Variants in ETFDH observed in about 807,000 individuals in gnomAD.
The protein encoded by ETFDH is electron transfer flavoprotein dehydrogenase, also known as electron transfer flavoprotein-ubiquinone oxidoreductase, mitochondrial.
Under a neutral mutation model 73.2 loss-of-function variants are expected in ETFDH, and 61 were observed. The observed-to-expected ratio is 0.83, with a 90% CI of 0.68 to 1.03. The LOEUF is 1.03. ETFDH is among the 50% of genes least tolerant of loss of function. The pLI is 0.00. For synonymous variants in ETFDH, 243 were observed against 253.3 expected, an observed-to-expected ratio of 0.96 and a Z score of 0.39; for missense variants, 685 against 745.0, an observed-to-expected ratio of 0.92 and a Z score of 0.94.
At chr4:158,678,379 A>G (rs1773763249) in intron 1 of ETFDH, among the ~76,000 whole-genome samples, 1 of 152,284 alleles carries the variant, frequency 6.6e-6, no homozygotes, top group Non-Finnish European at 1.5e-5. Context: ...ATTTCTCATG[A>G]TTAGACTGAG....
At chr4:158,676,244 A>G (rs1773708231) in intron 1 of ETFDH, among the ~76,000 whole-genome samples, 1 of 152,052 alleles carries the variant, frequency 6.6e-6, no homozygotes, top group Non-Finnish European at 1.5e-5. Flanking sequence ...TCACAGGGAG[A>G]TGAGTTTGTC....
At chr4:158,707,794 A>C (rs1473213013) in intron 12 of ETFDH, among the ~76,000 whole-genome samples, 1 of 152,230 alleles carries the variant, frequency 6.6e-6, no homozygotes, top group Non-Finnish European at 1.5e-5. Context: ...CTCTATAAAG[A>C]GAAAAAAATC....
intron 1 of ETFDH, among the ~76,000 whole-genome samples, chr4:158,677,368 A>C (rs950120247): frequency 6.6e-6 from 1 of 152,346 alleles, no homozygotes; most frequent in Non-Finnish European, 1.5e-5. Context: ...AGGACATCTC[A>C]AAAGTTCACG....
chr4:158,695,621 C>T lies in ETFDH; in HGVS notation c.809C>T (p.Thr270Ile). The change falls in exon 7 of 13, where the codon ACC (threonine) becomes ATC (isoleucine). Residue 270 changes from threonine (T) to isoleucine (I), a missense_variant. Transcript: ENST00000511912. The stretch of plus-strand genomic sequence containing the variant: ...TTGAGAGCAAATTGTGAACCTCAAA[C>T]CTACGGGATTGGACTGAAGGAGGTA... ...FDLRANCEPQTYGIGLKELWV... is the reference protein window; with the variant it reads ...FDLRANCEPQIYGIGLKELWV... The T allele has an allele frequency of 1.2e-6, 2 of 1,611,064 alleles. No individual in the cohort carries two copies. The highest frequency in any genetic ancestry group is 1.7e-6 in the Non-Finnish European group (2 of 1,177,344).
chr4:158,676,667 A>G (rs1773718215), intron 1 of ETFDH, among the ~76,000 whole-genome samples: 1 of 152,208 alleles, frequency 6.6e-6, no homozygotes, highest in Admixed American at 6.5e-5. Context: ...GTTAGGTCAG[A>G]TCTCTTTCAC....
intron 1 of ETFDH, among the ~76,000 whole-genome samples, chr4:158,677,215 C>A (rs549614924): frequency 2.0e-5 from 3 of 152,206 alleles, no homozygotes; most frequent in Non-Finnish European, 2.9e-5. Context: ...CCATGACCCA[C>A]GATACAGCCT....
At chr4:158,684,702 A>G (rs1172949980) in intron 4 of ETFDH, 29 bp downstream of exon 4, 1 of 1,168,408 alleles carries the variant, frequency 8.6e-7, no homozygotes, top group South Asian at 1.2e-5. Context: ...GCATAGAACT[A>G]TGGAATTCCA....
At chr4:158,681,460 TTAC>T (rs1298146195) in intron 2 of ETFDH, 1 of 152,252 alleles carries the variant, frequency 6.6e-6, no homozygotes, top group Admixed American at 6.5e-5. Flanking sequence ...TAAGTTTAAT[TTAC>T]TGACGAAAAA....
chr4:158,707,662 A>G (rs1479709076), intron 12 of ETFDH, among the ~76,000 whole-genome samples: 1 of 152,114 alleles, frequency 6.6e-6, no homozygotes, highest in Admixed American at 6.5e-5. Context: ...TATCAGATTT[A>G]CTGTCACATT....
chr4:158,701,123 G>C (rs79425428), intron 9 of ETFDH, among the ~76,000 whole-genome samples: 4,301 of 152,204 alleles, frequency 0.028, 97 homozygotes, highest in Non-Finnish European at 0.04. Context: ...CCCACCCAAG[G>C]TAGGATCCTC....
chr4:158,706,992 A>C, intron 12 of ETFDH, 142 bp downstream of exon 12: 2 of 629,586 alleles, frequency 3.2e-6, no homozygotes, highest in Non-Finnish European at 5.6e-6. Context: ...TAGGAAACAT[A>C]CTTTTAACTA....
In ETFDH at chr4:158,695,581, T is replaced by C. The variant is rs1441657866; in HGVS notation, c.769T>C (p.Tyr257His). 1.2e-6 allele frequency: 2 copies of C among 1,611,612 alleles called. No individual in the cohort carries two copies. The highest frequency in any genetic ancestry group is 1.3e-5 in the African/African-American group (1 of 75,014). Reference protein sequence around the residue: ...GCHGHLAKQLYKKFDLRANCE... With the variant: ...GCHGHLAKQLHKKFDLRANCE... The stretch of plus-strand genomic sequence containing the variant: ...CCATGGACATCTAGCCAAGCAACTA[T>C]ATAAGAAGTTTGATTTGAGAGCAAA... Residue 257 changes from tyrosine to histidine, a missense_variant, in exon 7 of 13, where the codon TAT becomes CAT. Physicochemically the swap from Tyr to His is moderately conservative, Grantham distance 83. Transcript: ENST00000511912.
At chr4:158,683,836 C>T (rs770824240) in intron 3 of ETFDH, among the ~76,000 whole-genome samples, 1 of 152,098 alleles carries the variant, frequency 6.6e-6, no homozygotes, top group Non-Finnish European at 1.5e-5. Context: ...GACTACAGGC[C>T]TGTGAGCCAC....
chr4:158,689,415 T>C (rs1286442319), intron 5 of ETFDH, among the ~76,000 whole-genome samples: 1 of 151,678 alleles, frequency 6.6e-6, no homozygotes, highest in African/African-American at 2.4e-5. Flanking sequence ...AATACATACA[T>C]GAACACTTAT....
rs577891844 is a variant in ETFDH at position 158,699,169 on chromosome 4, A to T, written c.1116+39A>T. ...CTTTTATTTTCCTTGTTTCTGTATT[A>T]TAAATTCAGAATTGAACATATAATG... is the stretch of plus-strand genomic sequence containing the variant. On this transcript the variant is annotated intron_variant, in intron 9 of 12. Transcript: ENST00000511912. 2.0e-4 allele frequency: 306 copies of T among 1,537,024 alleles called. 1 individual carries two copies. In the South Asian group the frequency reaches 3.3e-3, roughly 17 times the overall value.
rs1286771338 is a variant in ETFDH, at chr4:158,699,072, T to C, written c.1058T>C (p.Leu353Ser). Residue 353 changes from leucine (L) to serine (S), a missense_variant, in exon 9 of 13, where the codon TTG (leucine) becomes TCG (serine). Coordinates refer to ENST00000511912, the MANE Select transcript of ETFDH (RefSeq NM_004453.4). ...CACCATCCTAGCATTCGGCCAACCT[T>C]GGAAGGTGGAAAAAGGATTGCATAC... ...WKHHPSIRPT[L>S]EGGKRIAYGA... The C allele has an allele frequency of 6.2e-7, 1 of 1,613,832 alleles. No individual in the cohort carries two copies.
At chr4:158,681,608 A>G (rs1453982693) in intron 2 of ETFDH, 1 of 153,480 alleles carries the variant, frequency 6.5e-6, no homozygotes, top group Non-Finnish European at 1.4e-5. Context: ...TGTAAGTTCT[A>G]TTCATGGTAA....
chr4:158,706,737 G>C lies in ETFDH; in HGVS notation c.1577G>C (p.Gly526Ala). The C allele has an allele frequency of 1.2e-6, 2 of 1,613,702 alleles. No individual in the cohort carries two copies. Among genetic ancestry groups the C allele is most frequent in the Non-Finnish European group, 1.7e-6 (2 of 1,179,662 alleles). The stretch of plus-strand genomic sequence containing the variant: ...CTCTTGTCATCTGTGGCTCTGAGTG[G>C]TACTAATCATGAACATGACCAGCCG... ...FDLLSSVALSGTNHEHDQPAH... is the reference protein window; with the variant it reads ...FDLLSSVALSATNHEHDQPAH... The change falls in exon 12 of 13, where the codon GGT becomes GCT. Residue 526 changes from glycine to alanine, a missense_variant. By Grantham distance (60) the Gly-to-Ala change is moderately conservative (BLOSUM62 0). Around this residue, in one of 3 missense-constraint regions of ETFDH, gnomAD observed 201 missense variants for 225.2 expected, o/e 0.89. Transcript: ENST00000511912.
intron 1 of ETFDH, among the ~76,000 whole-genome samples, chr4:158,677,324 G>A (rs757938315): frequency 5.9e-5 from 9 of 152,186 alleles, no homozygotes; most frequent in South Asian, 2.1e-4. Flanking sequence ...TAATCAATAC[G>A]TGTAAGGTTT....
Sources: gnomAD v4.1 joint callset for allele counts (sites outside exome capture counted in the v4.1 genomes callset) on GRCh38, gnomAD v4.1.1 for gene constraint, gnomAD v4.1.1 regional missense constraint, MANE v1.5 for transcripts, NCBI Gene and HGNC (gene_info 2026-07-23, HGNC 2026-07-21) for gene names.